The following NRBP2 variants were observed in gnomAD, a reference collection of about 807,000 sequenced individuals.
NRBP2 encodes nuclear receptor-binding protein 2.
A neutral mutation model predicts 74.4 loss-of-function variants in NRBP2; 47 were observed. The observed-to-expected ratio is 0.63, with a 90% CI of 0.50 to 0.81. NRBP2 has a LOEUF of 0.81. NRBP2 is among the 30% of genes least tolerant of loss of function. The pLI is 0.00. For synonymous variants in NRBP2, 312 were observed against 273.8 expected, an observed-to-expected ratio of 1.14 and a Z score of -1.38; for missense variants, 613 against 690.1, an observed-to-expected ratio of 0.89 and a Z score of 1.25.
Position 143,840,401 on chromosome 8 carries a change from TATCCA to T in NRBP2, c.130-177_130-173del. 1 of 883,872 alleles carries T rather than the reference TATCCA, an allele frequency of 1.1e-6. No homozygotes were observed. Among genetic ancestry groups the T allele is most frequent in the Non-Finnish European group, 1.7e-6 (1 of 596,034 alleles). 54.8% of individuals were successfully genotyped at this position (883,872 alleles called of 1,614,324 possible). ...GCTGCCCCCAGGAGCCAAGGGCTCC[TATCCA>T]AGGGCTGGGCTAAGGGGATTTGGAG... On this transcript the variant is annotated intron_variant, in intron 1 of 17. Coordinates refer to ENST00000442628, the MANE Select transcript of NRBP2 (RefSeq NM_178564.4). This position sits in a 1 kb window ranked among gnomAD's most constrained non-coding sequence, Gnocchi z 5.7.
At position 143,837,956 on chromosome 8, in the gene NRBP2, G is replaced by C. The variant is rs1462646875; in HGVS notation, c.841-201C>G. The C allele has an allele frequency of 1.4e-6, 1 of 726,772 alleles. No homozygotes were observed. Among genetic ancestry groups the C allele is most frequent in the East Asian group, 2.7e-5 (1 of 37,344 alleles). The allele number at this position is 726,772 out of a possible 1,614,324, so 45.0% of individuals were successfully genotyped here. A position where few individuals can be genotyped will look rare whatever the true frequency, so the allele number is the denominator to read the frequency against. On this transcript the variant is annotated intron_variant, in intron 10 of 17. Transcript: ENST00000442628. This position sits in a 1 kb window ranked among gnomAD's most constrained non-coding sequence, Gnocchi z 4.3. ...CTGAGCTTGAGGACAGCTGGGTTCT[G>C]GGATTGGAGCACCATGCTCTGCTTC...
chr8:143,839,255 C>G lies in NRBP2; in HGVS notation c.580+59G>C, dbSNP rs557733829. On this transcript the variant is annotated intron_variant, in intron 6 of 17. Transcript: ENST00000442628. This position sits in a 1 kb window ranked among gnomAD's most constrained non-coding sequence, Gnocchi z 5.1. ...GCTGGGGCATCAGAACTCCTCTGCC[C>G]TTGGCTCCAGGCACCTTCCCCTGCC... 1.3e-6 allele frequency: 2 copies of G among 1,535,372 alleles called. No homozygotes were observed. The highest frequency in any genetic ancestry group is 1.7e-6 in the Non-Finnish European group (2 of 1,146,458).
At chr8:143,836,258 A>G in intron 14 of NRBP2, 78 bp from the exon 15 acceptor site, 1 of 1,438,430 alleles carries the variant, frequency 7.0e-7, no homozygotes, top group Non-Finnish European at 9.1e-7. Context: ...CCGGGAAGGG[A>G]CAGCAAAGAC....
chr8:143,836,856 A>T (rs1818422602), intron 14 of NRBP2, among the ~76,000 whole-genome samples, 183 bp downstream of exon 14: 1 of 151,686 alleles, frequency 6.6e-6, no homozygotes, highest in Admixed American at 6.6e-5. Flanking sequence ...GGAAAAGGAG[A>T]GTGCCCAGCC....
intron 10 of NRBP2, 106 bp downstream of exon 10, chr8:143,838,574 C>T: frequency 1.2e-6 from 1 of 818,632 alleles, no homozygotes; most frequent in Non-Finnish European, 2.0e-6. Context: ...TGGTATACCC[C>T]TCAACTGCAC....
Position 143,840,534 on chromosome 8 carries a change from G to A in NRBP2, c.129+172C>T. 4.2e-6 allele frequency: 3 copies of A among 711,782 alleles called. No homozygotes were observed. Among genetic ancestry groups the A allele is most frequent in the South Asian group, 4.0e-5 (2 of 49,738 alleles). The allele number at this position is 711,782 out of a possible 1,614,324, so 44.1% of individuals were successfully genotyped here. On this transcript the variant is annotated intron_variant, in intron 1 of 17. Transcript: ENST00000442628. This position sits in a 1 kb window ranked among gnomAD's most constrained non-coding sequence, Gnocchi z 5.7. ...GAGACTGGCCCTCAGGGAGTCCCAG[G>A]GCGAGCGCCAGGCCAAAGGGGTCCA...
downstream of NRBP2, among the ~76,000 whole-genome samples, chr8:143,832,586 C>T (rs1057124082): frequency 6.6e-6 from 1 of 152,254 alleles, no homozygotes; most frequent in African/African-American, 2.4e-5. Context: ...GGAGGTGGGA[C>T]CTGCGGGCAG....
chr8:143,837,534 G>A lies in NRBP2; in HGVS notation c.974-25C>T, dbSNP rs374312132. 3.1e-5 allele frequency: 49 copies of A among 1,600,528 alleles called. No individual in the cohort carries two copies. Among genetic ancestry groups the A allele is most frequent in the African/African-American group, 1.3e-4 (10 of 74,724 alleles). ...TCTGCGGCCACAAGAGCATCAAGGCGGTGTGCTCAGGCCGTGGGTCCTGCA... is the reference window on the plus strand; with the variant it reads ...TCTGCGGCCACAAGAGCATCAAGGCAGTGTGCTCAGGCCGTGGGTCCTGCA... On this transcript the variant is annotated intron_variant, in intron 11 of 17. Coordinates refer to ENST00000442628, the MANE Select transcript of NRBP2 (RefSeq NM_178564.4). The surrounding 1 kb of genome is among the most constrained non-coding windows in gnomAD (Gnocchi z 4.3).
In NRBP2 at chr8:143,839,150, TCCC is replaced by T. The variant is rs1554652859; in HGVS notation, c.604+19_604+21del. ...GGGCGGGGACCTCTCCAGGACCCCG[TCCC>T]CCCAAAGTCCGCACTTACCATTGGA... is the stretch of plus-strand genomic sequence containing the variant. On this transcript the variant is annotated intron_variant, in intron 7 of 17. Coordinates refer to ENST00000442628, the MANE Select transcript of NRBP2 (RefSeq NM_178564.4). The surrounding 1 kb of genome is among the most constrained non-coding windows in gnomAD (Gnocchi z 5.1). 6.6e-7 allele frequency: 1 copy of T among 1,516,446 alleles called. No individual in the cohort carries two copies. Among genetic ancestry groups the T allele is most frequent in the Admixed American group, 2.0e-5 (1 of 49,982 alleles). The allele number at this position is 1,516,446 out of a possible 1,614,324, so 93.9% of individuals were successfully genotyped here.
rs782181494 is a variant in NRBP2 at position 143,836,060 on chromosome 8, G to C, written c.1318-30C>G. On this transcript the variant is annotated intron_variant, in intron 15 of 17. Transcript: ENST00000442628. The stretch of plus-strand genomic sequence containing the variant: ...GGAGGCGGCGGGGCGTGGTCGGCTG[G>C]GGGTTCAGGGCTCCGCCACGCTCCC... The C allele has an allele frequency of 1.9e-6, 3 of 1,567,192 alleles. No homozygotes were observed. In the East Asian group the frequency reaches 6.8e-5, roughly 36 times the overall value.
chr8:143,840,687 C>T lies in NRBP2; in HGVS notation c.129+19G>A. On this transcript the variant is annotated intron_variant, in intron 1 of 17. Transcript: ENST00000442628. The surrounding 1 kb of genome is among the most constrained non-coding windows in gnomAD (Gnocchi z 5.7). Reference sequence around the variant, plus strand: ...TCTGGGAGGGCGGTGTCACCCCGTGCCCCAACCCCCGCGCCCACCTGCTCC... The same window carrying T: ...TCTGGGAGGGCGGTGTCACCCCGTGTCCCAACCCCCGCGCCCACCTGCTCC... 6.8e-7 allele frequency: 1 copy of T among 1,469,458 alleles called. No homozygotes were observed. 91.0% of individuals were successfully genotyped at this position (1,469,458 alleles called of 1,614,324 possible).
intron 14 of NRBP2, 56 bp from the exon 15 acceptor site, chr8:143,836,236 GC>G: frequency 6.8e-7 from 1 of 1,467,172 alleles, no homozygotes; most frequent in South Asian, 1.4e-5. Context: ...ACATGCCGCG[GC>G]CCCAAAGGGG....
Position 143,835,525 on chromosome 8 carries a change from A to ACG in NRBP2, c.*135_*136dup. 1.3e-6 allele frequency: 1 copy of ACG among 747,298 alleles called. No homozygotes were observed. The allele number at this position is 747,298 out of a possible 1,614,324, so 46.3% of individuals were successfully genotyped here. A position where few individuals can be genotyped will look rare whatever the true frequency, so the allele number is the denominator to read the frequency against. ...GCAGGGTCAGCCCCACTCTCAGGAG[A>ACG]CGGGGGGTTCCTTCACTACCGGGGC... On this transcript the variant is annotated 3_prime_UTR_variant, in exon 18 of 18. Transcript: ENST00000442628. This position sits in a 1 kb window ranked among gnomAD's most constrained non-coding sequence, Gnocchi z 4.9.
chr8:143,840,645 CT>C lies in NRBP2; in HGVS notation c.129+60del. ...CCAGCGCCCCCACGCCCCGCGCAGCCTCCAGGCCCCTCCCGCTCTGGGAGGG... is the reference window on the plus strand; with the variant it reads ...CCAGCGCCCCCACGCCCCGCGCAGCCCCAGGCCCCTCCCGCTCTGGGAGGG... On this transcript the variant is annotated intron_variant, in intron 1 of 17. Transcript: ENST00000442628. The surrounding 1 kb of genome is among the most constrained non-coding windows in gnomAD (Gnocchi z 5.7). The C allele has an allele frequency of 1.4e-6, 2 of 1,396,160 alleles. No homozygotes were observed. The allele number at this position is 1,396,160 out of a possible 1,614,324, so 86.5% of individuals were successfully genotyped here. A position where few individuals can be genotyped will look rare whatever the true frequency, so the allele number is the denominator to read the frequency against.
Position 143,840,395 on chromosome 8 carries a change from G to A in NRBP2, c.130-166C>T. 1 of 937,216 alleles carries A rather than the reference G, an allele frequency of 1.1e-6. No homozygotes were observed. The highest frequency in any genetic ancestry group is 1.6e-6 in the Non-Finnish European group (1 of 643,664). 58.1% of individuals were successfully genotyped at this position (937,216 alleles called of 1,614,324 possible). A position where few individuals can be genotyped will look rare whatever the true frequency, so the allele number is the denominator to read the frequency against. On this transcript the variant is annotated intron_variant, in intron 1 of 17. Transcript: ENST00000442628. This position sits in a 1 kb window ranked among gnomAD's most constrained non-coding sequence, Gnocchi z 5.7. Reference sequence around the variant, plus strand: ...AGGGTAGCTGCCCCCAGGAGCCAAGGGCTCCTATCCAAGGGCTGGGCTAAG... The same window carrying A: ...AGGGTAGCTGCCCCCAGGAGCCAAGAGCTCCTATCCAAGGGCTGGGCTAAG...
chr8:143,836,060 G>A, intron 15 of NRBP2, 30 bp from the exon 16 acceptor site: 1 of 1,567,192 alleles, frequency 6.4e-7, no homozygotes, highest in Middle Eastern at 1.7e-4. Flanking sequence ...TGGTCGGCTG[G>A]GGGTTCAGGG....
intron 15 of NRBP2, 26 bp downstream of exon 15, chr8:143,836,101 G>A (rs966691643): frequency 6.3e-7 from 1 of 1,597,916 alleles, no homozygotes; most frequent in East Asian, 2.3e-5. Flanking sequence ...CCCCACGGCA[G>A]CGCCGCCCTC....
downstream of NRBP2, among the ~76,000 whole-genome samples, chr8:143,832,110 A>G (rs537075612): frequency 1.6e-4 from 24 of 152,324 alleles, no homozygotes; most frequent in South Asian, 4.6e-3. Context: ...CTGTTAATCT[A>G]TGACCTTACC....
At position 143,836,022 on chromosome 8, in the gene NRBP2, C is replaced by T. The variant is rs1554651612; in HGVS notation, c.1326G>A (p.Leu442=). 1 of 1,573,836 alleles carries T rather than the reference C, an allele frequency of 6.4e-7. No homozygotes were observed. Among genetic ancestry groups the T allele is most frequent in the Admixed American group, 1.8e-5 (1 of 56,044 alleles). The change falls in exon 16 of 18, where the codon CTG becomes CTA. Residue 442 remains leucine, a synonymous_variant. Transcript: ENST00000442628. Reference sequence around the variant, plus strand: ...GCAGCCGGTCTTCCAGCACCAGAAGCAGAGTGAGCTGGGGAGGCGGCGGGG... The same window carrying T: ...GCAGCCGGTCTTCCAGCACCAGAAGTAGAGTGAGCTGGGGAGGCGGCGGGG... ...SEDKARWHLT[L]LLVLEDRLHR... is the part of the protein sequence containing the mutation.
Sources: gnomAD v4.1 joint callset for allele counts (sites outside exome capture counted in the v4.1 genomes callset) on GRCh38, gnomAD v4.1.1 for gene constraint, Gnocchi (gnomAD v3.1) non-coding constraint, MANE v1.5 for transcripts, NCBI Gene and HGNC (gene_info 2026-07-23, HGNC 2026-07-21) for gene names.